Variants in PCDHGA1 observed in about 807,000 individuals in gnomAD.
PCDHGA1 encodes protocadherin gamma subfamily A, 1.
A neutral mutation model predicts 58.0 loss-of-function variants in PCDHGA1; 32 were observed. That is an observed-to-expected ratio of 0.55 (90% confidence interval 0.42 to 0.74). The LOEUF is 0.74. PCDHGA1 is among the 30% of genes least tolerant of loss of function. The pLI is 0.00. For missense variants in PCDHGA1, 1,205 were observed against 1,182.3 expected (o/e 1.02, Z -0.28); for synonymous variants, 498 against 501.1 (o/e 0.99, Z 0.08).
intron 1 of PCDHGA1, chr5:141,398,690 G>A (rs1258068362): frequency 1.9e-6 from 3 of 1,613,914 alleles, no homozygotes; most frequent in African/African-American, 1.3e-5. Flanking sequence ...AAACAGGATG[G>A]TAGTAAATAC....
chr5:141,413,111 AG>A lies in PCDHGA1; in HGVS notation c.2421+80008del, dbSNP rs962952666. ...ACACCCTGAAGCCACAGAAAGACAA[AG>A]GAACCGGTTGAAACACACAACGTGT... On this transcript the variant is annotated intron_variant, in intron 1 of 3. Transcript: ENST00000517417. 4.7e-6 allele frequency: 7 copies of A among 1,499,852 alleles called. No individual in the cohort carries two copies. In the African/African-American group the frequency reaches 8.4e-5, roughly 18 times the overall value. 92.9% of individuals were successfully genotyped at this position (1,499,852 alleles called of 1,614,324 possible). A position where few individuals can be genotyped will look rare whatever the true frequency, so the allele number is the denominator to read the frequency against.
At position 141,350,652 on chromosome 5, in the gene PCDHGA1, T is replaced by G. The variant is rs755738484; in HGVS notation, c.2421+17547T>G. Reference sequence around the variant, plus strand: ...ATTAATGACAATGCACCACGTTTCGTTGCAAAAGGCATTGACTTAGAAATT... The same window carrying G: ...ATTAATGACAATGCACCACGTTTCGGTGCAAAAGGCATTGACTTAGAAATT... On this transcript the variant is annotated intron_variant, in intron 1 of 3. Coordinates refer to ENST00000517417, the MANE Select transcript of PCDHGA1 (RefSeq NM_018912.3). 4.3e-6 allele frequency: 7 copies of G among 1,614,044 alleles called. No homozygotes were observed. In the South Asian group the frequency reaches 6.6e-5, roughly 15 times the overall value.
chr5:141,361,388 A>G (rs373182240), intron 1 of PCDHGA1: 1 of 1,613,880 alleles, frequency 6.2e-7, no homozygotes, highest in Non-Finnish European at 8.5e-7. Context: ...ATCCCAGAAT[A>G]CAATCTCACC....
intron 3 of PCDHGA1, among the ~76,000 whole-genome samples, chr5:141,508,792 CT>C (rs1475631459): frequency 6.6e-6 from 1 of 152,130 alleles, no homozygotes; most frequent in Non-Finnish European, 1.5e-5. Flanking sequence ...CTAAATCACT[CT>C]GGAATCCTGG....
Position 141,432,938 on chromosome 5 carries a change from G to C in PCDHGA1, c.2422-61869G>C. ...CTGGCACAAGTCACGCCTGCTGCAG[G>C]CTTCAGGAGGCGGCTTGACAGGAGC... On this transcript the variant is annotated intron_variant, in intron 1 of 3. Transcript: ENST00000517417. The surrounding 1 kb of genome is among the most constrained non-coding windows in gnomAD (Gnocchi z 6.0). 2 of 1,614,192 alleles carry C rather than the reference G, an allele frequency of 1.2e-6. No homozygotes were observed. Among genetic ancestry groups the C allele is most frequent in the South Asian group, 2.2e-5 (2 of 91,086 alleles).
chr5:141,365,784 C>T, intron 1 of PCDHGA1: 2 of 1,613,912 alleles, frequency 1.2e-6, no homozygotes, highest in Non-Finnish European at 1.7e-6. Context: ...GGCGACAACG[C>T]TCGAGTCACC....
chr5:141,385,276 A>T (rs1315773619), intron 1 of PCDHGA1: 3 of 1,613,446 alleles, frequency 1.9e-6, no homozygotes, highest in Non-Finnish European at 2.5e-6. Context: ...TTCTTTGCTA[A>T]CATCCGTAGA....
At position 141,351,978 on chromosome 5, in the gene PCDHGA1, T is replaced by C. The variant is rs550902479; in HGVS notation, c.2421+18873T>C. ...CCTGATGGCTCCGCCCTCTTCGATA[T>C]GGTGCCACGCGCCGCAGAGCCCGGC... On this transcript the variant is annotated intron_variant, in intron 1 of 3. Coordinates refer to ENST00000517417, the MANE Select transcript of PCDHGA1 (RefSeq NM_018912.3). 6.2e-6 allele frequency: 10 copies of C among 1,612,196 alleles called. No homozygotes were observed. In the African/African-American group the frequency reaches 1.3e-4, roughly 21 times the overall value.
chr5:141,331,681 G>T lies in PCDHGA1; in HGVS notation c.997G>T (p.Val333Leu). 6.2e-7 allele frequency: 1 copy of T among 1,613,908 alleles called. No homozygotes were observed. Reference protein sequence around the residue: ...DGAGLMAKVKVLIKVLDVNDN... With the variant: ...DGAGLMAKVKLLIKVLDVNDN... ...TGCGGGGCTCATGGCTAAAGTTAAG[G>T]TACTGATCAAAGTTTTGGATGTAAA... Residue 333 changes from valine to leucine, a missense_variant, in exon 1 of 4, where the codon GTA becomes TTA. Transcript: ENST00000517417.
intron 1 of PCDHGA1, among the ~76,000 whole-genome samples, chr5:141,335,734 TCAG>T (rs753860523): frequency 4.2e-4 from 64 of 152,274 alleles, no homozygotes; most frequent in Non-Finnish European, 8.5e-4. Flanking sequence ...AAAAAAGGGT[TCAG>T]CAAATTGCAA....
At chr5:141,430,078 T>A (rs911861599) in intron 1 of PCDHGA1, among the ~76,000 whole-genome samples, 2 of 152,282 alleles carry the variant, frequency 1.3e-5, no homozygotes, top group Admixed American at 1.3e-4. Context: ...TTCCATAATA[T>A]CATGAAAATT....
intron 1 of PCDHGA1, chr5:141,427,047 C>T (rs1196561600): frequency 1.1e-5 from 5 of 457,294 alleles, no homozygotes; most frequent in Non-Finnish European, 1.8e-5. Flanking sequence ...GAATGTGCCC[C>T]CAGGCACCTC....
chr5:141,490,051 G>A lies in PCDHGA1; in HGVS notation c.2422-4756G>A, dbSNP rs779280988. The A allele has an allele frequency of 6.2e-6, 10 of 1,614,094 alleles. No homozygotes were observed. Among genetic ancestry groups the A allele is most frequent in the Admixed American group, 5.0e-5 (3 of 60,012 alleles). ...CCGCCTCAATGCCACTGATCCAGAC[G>A]AGGGCACCAACGGCCAACTAGACTA... On this transcript the variant is annotated intron_variant, in intron 1 of 3. Coordinates refer to ENST00000517417, the MANE Select transcript of PCDHGA1 (RefSeq NM_018912.3). The surrounding 1 kb of genome is among the most constrained non-coding windows in gnomAD (Gnocchi z 5.4).
chr5:141,421,280 G>T (rs564480755), intron 1 of PCDHGA1: 1 of 1,612,948 alleles, frequency 6.2e-7, no homozygotes, highest in African/African-American at 1.3e-5. Context: ...CTGCTGCTGT[G>T]CATTTTCCTG....
At chr5:141,371,628 C>A (rs1247615659) in intron 1 of PCDHGA1, 2 of 1,614,008 alleles carry the variant, frequency 1.2e-6, no homozygotes, top group South Asian at 1.1e-5. Context: ...AGCCCTGGAC[C>A]GGGAGCAGAT....
intron 1 of PCDHGA1, chr5:141,384,001 C>G (rs1561599904): frequency 6.2e-7 from 1 of 1,613,828 alleles, no homozygotes. Context: ...AGTCATTGCT[C>G]TTTTCTACCT....
At position 141,432,727 on chromosome 5, in the gene PCDHGA1, C is replaced by T; in HGVS notation, c.2422-62080C>T. 6.2e-7 allele frequency: 1 copy of T among 1,614,090 alleles called. No individual in the cohort carries two copies. Among genetic ancestry groups the T allele is most frequent in the Non-Finnish European group, 8.5e-7 (1 of 1,179,996 alleles). ...ACCACGGCCAGCCCCCTCTCTCCGC[C>T]ACTGTCACGCTCACCGTGGCCGTGG... On this transcript the variant is annotated intron_variant, in intron 1 of 3. Transcript: ENST00000517417. The surrounding 1 kb of genome is among the most constrained non-coding windows in gnomAD (Gnocchi z 6.0).
chr5:141,462,646 A>G (rs1371582710), intron 1 of PCDHGA1, among the ~76,000 whole-genome samples: 1 of 137,316 alleles, frequency 7.3e-6, no homozygotes, highest in Non-Finnish European at 1.5e-5. Flanking sequence ...TTTCATTTCC[A>G]TCCTCAATTA....
chr5:141,429,547 A>C (rs2097222392), intron 1 of PCDHGA1, among the ~76,000 whole-genome samples: 1 of 152,196 alleles, frequency 6.6e-6, no homozygotes, highest in Non-Finnish European at 1.5e-5. Flanking sequence ...AGAACATGGT[A>C]ATGATTTGAT....
Sources: gnomAD v4.1 joint callset for allele counts (sites outside exome capture counted in the v4.1 genomes callset) on GRCh38, gnomAD v4.1.1 for gene constraint, Gnocchi (gnomAD v3.1) non-coding constraint, MANE v1.5 for transcripts, NCBI Gene and HGNC (gene_info 2026-07-23, HGNC 2026-07-21) for gene names.